Variants in MYO18B observed in about 807,000 individuals in gnomAD.
MYO18B encodes the protein unconventional myosin-XVIIIb.
MYO18B carries 204 observed loss-of-function variants against 273.0 expected under a neutral mutation model. That is an observed-to-expected ratio of 0.75 (90% CI 0.67 to 0.84). The LOEUF (loss-of-function observed/expected upper bound fraction) is 0.84, where lower values mean the gene tolerates loss of function less well. MYO18B is among the 40% of genes least tolerant of loss of function. MYO18B has a pLI of 0.00. For synonymous variants in MYO18B, 1,330 were observed against 1,305.7 expected (o/e 1.02, Z -0.40); for missense variants, 3,212 against 3,287.6 (o/e 0.98, Z 0.56).
rs1261917948 is a variant in MYO18B, at chr22:25,768,679, G to A, written c.763G>A (p.Glu255Lys). 1 of 1,550,936 alleles carries A rather than the reference G, an allele frequency of 6.4e-7. No individual in the cohort carries two copies. The highest frequency in any genetic ancestry group is 8.7e-7 in the Non-Finnish European group (1 of 1,152,778). The change falls in exon 4 of 44, where the codon GAG (glutamate) becomes AAG (lysine). Residue 255 changes from glutamate (E) to lysine (K), a missense_variant. Transcript: ENST00000335473. ...LGTPKTTELKEAEPQGKDRQG... is the reference protein window; with the variant it reads ...LGTPKTTELKKAEPQGKDRQG... Reference sequence around the variant, plus strand: ...GACCCCCAAGACCACAGAGCTGAAAGAGGCTGAGCCCCAGGGCAAAGACAG... The same window carrying A: ...GACCCCCAAGACCACAGAGCTGAAAAAGGCTGAGCCCCAGGGCAAAGACAG...
chr22:25,988,467 A>G (rs1456231566), intron 39 of MYO18B, among the ~76,000 whole-genome samples: 1 of 152,098 alleles, frequency 6.6e-6, no homozygotes, highest in Non-Finnish European at 1.5e-5. Context: ...CAGATCCACG[A>G]ACCCTGTCCT....
At chr22:25,936,064 G>T (rs953325450) in intron 34 of MYO18B, among the ~76,000 whole-genome samples, 2 of 152,256 alleles carry the variant, frequency 1.3e-5, no homozygotes. Context: ...CCCTCCAGGA[G>T]CCCAGTGTCC....
chr22:25,891,465 C>G, intron 27 of MYO18B, 53 bp downstream of exon 27: 2 of 1,231,046 alleles, frequency 1.6e-6, no homozygotes, highest in South Asian at 2.6e-5. Context: ...AGTTGTCTTT[C>G]CCATTTATTC....
At position 25,835,296 on chromosome 22, in the gene MYO18B, G is replaced by C; in HGVS notation, c.3061G>C (p.Val1021Leu). The C allele has an allele frequency of 6.2e-7, 1 of 1,613,478 alleles. No homozygotes were observed. The highest frequency in any genetic ancestry group is 8.5e-7 in the Non-Finnish European group (1 of 1,179,694). Residue 1021 changes from valine (V) to leucine (L), a missense_variant and splice_region_variant, in exon 17 of 44, where the codon GTC becomes CTC. Transcript: ENST00000335473. ...CAGTGAATCCTGGTTCTCCCAGCAG[G>C]TCCGCTTACCAGCTGGAGGAGGTGC... ...VAVVDQNPSQ[V>L]RLPAGGGAQD...
intron 18 of MYO18B, among the ~76,000 whole-genome samples, chr22:25,845,701 A>G (rs1388139300): frequency 1.3e-5 from 2 of 152,208 alleles, no homozygotes; most frequent in African/African-American, 2.4e-5. Flanking sequence ...TCCTTCTTGC[A>G]TGAAACACAT....
chr22:25,785,499 G>A lies in MYO18B; in HGVS notation c.2376+8G>A. On this transcript the variant is annotated splice_region_variant and intron_variant, in intron 11 of 43. Coordinates refer to ENST00000335473, the MANE Select transcript of MYO18B (RefSeq NM_032608.7). ...ATGGGCGTGTGGTCCAAGGTAAGGAGGAGGTCCCTCACGGGTGGGATGTGA... is the reference window on the plus strand; with the variant it reads ...ATGGGCGTGTGGTCCAAGGTAAGGAAGAGGTCCCTCACGGGTGGGATGTGA... 2 of 1,611,804 alleles carry A rather than the reference G, an allele frequency of 1.2e-6. No individual in the cohort carries two copies. The highest frequency in any genetic ancestry group is 1.7e-6 in the Non-Finnish European group (2 of 1,179,014).
intron 42 of MYO18B, 128 bp from the exon 43 acceptor site, chr22:26,026,317 A>G: frequency 1.9e-6 from 2 of 1,059,354 alleles, no homozygotes; most frequent in South Asian, 3.3e-5. Context: ...TTCATTTGAG[A>G]GTGCGGTAGG....
intron 26 of MYO18B, 56 bp downstream of exon 26, chr22:25,890,931 G>A: frequency 6.3e-7 from 1 of 1,584,180 alleles, no homozygotes; most frequent in South Asian, 1.1e-5. Flanking sequence ...AAATGGTTGG[G>A]TCTGCTCCCC....
intron 12 of MYO18B, among the ~76,000 whole-genome samples, chr22:25,814,980 A>G (rs1336420328): frequency 2.0e-5 from 3 of 152,204 alleles, no homozygotes; most frequent in Admixed American, 6.5e-5. Flanking sequence ...TTTAAATCCT[A>G]CACCCTTATT....
Position 26,026,569 on chromosome 22 carries a change from C to T in MYO18B, c.6595C>T (p.Arg2199Trp), listed in dbSNP as rs369444034. 2.8e-5 allele frequency: 45 copies of T among 1,613,742 alleles called. No homozygotes were observed. Among genetic ancestry groups the T allele is most frequent in the Admixed American group, 3.3e-5 (2 of 60,004 alleles). Residue 2199 changes from arginine to tryptophan, a missense_variant, in exon 43 of 44, where the codon CGG becomes TGG. Coordinates refer to ENST00000335473, the MANE Select transcript of MYO18B (RefSeq NM_032608.7). ...GCCTGTTTCTCCCCACTTTGTCCGCCGGCAAAAGTACTGTCATTTTGGGGA... is the reference window on the plus strand; with the variant it reads ...GCCTGTTTCTCCCCACTTTGTCCGCTGGCAAAAGTACTGTCATTTTGGGGA... ...DKPVSPHFVR[R>W]QKYCHFGDGE... is the part of the protein sequence containing the mutation.
chr22:25,915,628 A>C (rs2092249637), intron 33 of MYO18B, among the ~76,000 whole-genome samples: 1 of 152,214 alleles, frequency 6.6e-6, no homozygotes, highest in African/African-American at 2.4e-5. Flanking sequence ...TCTTAAAAAA[A>C]GATGTTTTAT....
In MYO18B at chr22:25,890,841, G is replaced by T; in HGVS notation, c.4400G>T (p.Arg1467Leu). ...CQVLESERAERLQAFREVQEL... is the reference protein window; with the variant it reads ...CQVLESERAELLQAFREVQEL... ...GTGCTGGAGAGTGAGCGGGCAGAGC[G>T]GCTACAGGCCTTCCGGGAGGTCCAG... Residue 1467 changes from arginine (R) to leucine (L), a missense_variant, in exon 26 of 44, where the codon CGG becomes CTG. Coordinates refer to ENST00000335473, the MANE Select transcript of MYO18B (RefSeq NM_032608.7). The T allele has an allele frequency of 6.2e-7, 1 of 1,613,940 alleles. No individual in the cohort carries two copies. The highest frequency in any genetic ancestry group is 8.5e-7 in the Non-Finnish European group (1 of 1,179,880).
intron 1 of MYO18B, among the ~76,000 whole-genome samples, chr22:25,758,362 C>G (rs963280522): frequency 6.6e-6 from 1 of 151,084 alleles, no homozygotes; most frequent in African/African-American, 2.4e-5. Context: ...TTATACTACC[C>G]AGCAGTTTCA....
intron 1 of MYO18B, among the ~76,000 whole-genome samples, chr22:25,752,659 T>TA (rs201385941): frequency 2.0e-5 from 3 of 148,980 alleles, no homozygotes; most frequent in Non-Finnish European, 4.5e-5. Context: ...CCTGGCTAAT[T>TA]AAAAAAAAAT....
intron 1 of MYO18B, among the ~76,000 whole-genome samples, chr22:25,745,577 C>T (rs748813732): frequency 6.6e-6 from 1 of 152,166 alleles, no homozygotes; most frequent in Non-Finnish European, 1.5e-5. Flanking sequence ...CTCCCACAGC[C>T]TGACTCATCC....
At chr22:25,942,090 A>G (rs1296072126) in intron 34 of MYO18B, among the ~76,000 whole-genome samples, 2 of 152,214 alleles carry the variant, frequency 1.3e-5, no homozygotes, top group Non-Finnish European at 2.9e-5. Flanking sequence ...TCATCCATGT[A>G]TCCTGCAGAC....
At chr22:25,783,093 T>A (rs1037048637) in intron 10 of MYO18B, among the ~76,000 whole-genome samples, 1 of 152,240 alleles carries the variant, frequency 6.6e-6, no homozygotes, top group East Asian at 1.9e-4. Context: ...ACAATACTTC[T>A]TAAAATAGTG....
intron 25 of MYO18B, among the ~76,000 whole-genome samples, chr22:25,889,785 AG>A (rs2091607909): frequency 1.3e-5 from 2 of 152,150 alleles, no homozygotes; most frequent in South Asian, 4.2e-4. Context: ...TCAGTTAATC[AG>A]AAAAAAAAAC....
At chr22:26,032,527 T>G (rs964666165), downstream of MYO18B, among the ~76,000 whole-genome samples, 2 of 150,712 alleles carry the variant, frequency 1.3e-5, no homozygotes, top group African/African-American at 4.9e-5. Flanking sequence ...GTTTTTTTTT[T>G]TTTTTTTTTT....
Sources: gnomAD v4.1 joint callset for allele counts (sites outside exome capture counted in the v4.1 genomes callset) on GRCh38, gnomAD v4.1.1 for gene constraint, MANE v1.5 for transcripts, NCBI Gene and HGNC (gene_info 2026-07-23, HGNC 2026-07-21) for gene names.